Variants in PLCXD3 observed in about 807,000 individuals in gnomAD.
PLCXD3 encodes phosphatidylinositol specific phospholipase C X domain containing 3, also known as PI-PLC X domain-containing protein 3.
In PLCXD3, 19 loss-of-function variants were observed where a neutral mutation model predicts 25.5. The ratio of observed to expected loss-of-function variants is 0.75; its 90% CI spans 0.52 to 1.09. The LOEUF (loss-of-function observed/expected upper bound fraction) is 1.09, where lower values mean the gene tolerates loss of function less well. Among genes scored for constraint, PLCXD3 ranks in the 50% least tolerant of loss-of-function variants. The probability of loss-of-function intolerance (pLI) is 0.00; values close to 1 mark genes in which losing one functional copy is unlikely to be tolerated. For synonymous variants in PLCXD3, 174 were observed against 137.6 expected, an observed-to-expected ratio of 1.26 and a Z score of -1.85; for missense variants, 411 against 388.1, an observed-to-expected ratio of 1.06 and a Z score of -0.50.
chr5:41,338,126 G>A (rs933241108), intron 2 of PLCXD3, among the ~76,000 whole-genome samples: 3 of 151,964 alleles, frequency 2.0e-5, no homozygotes, highest in African/African-American at 7.2e-5. Context: ...AGAGAATATC[G>A]GGTCTGAAAA....
intron 1 of PLCXD3, among the ~76,000 whole-genome samples, chr5:41,413,817 A>G (rs1746624691): frequency 6.6e-6 from 1 of 152,156 alleles, no homozygotes; most frequent in African/African-American, 2.4e-5. Flanking sequence ...GACAAACTAG[A>G]GTTTAAAAAA....
At chr5:41,460,730 C>A (rs976082163) in intron 1 of PLCXD3, among the ~76,000 whole-genome samples, 1 of 151,944 alleles carries the variant, frequency 6.6e-6, no homozygotes, top group Non-Finnish European at 1.5e-5. Flanking sequence ...TACTTGAAAT[C>A]TTTGATACTT....
chr5:41,484,416 TAG>T (rs2150523655), intron 1 of PLCXD3, among the ~76,000 whole-genome samples: 1 of 152,306 alleles, frequency 6.6e-6, no homozygotes, highest in African/African-American at 2.4e-5. Context: ...CTTGCATTTC[TAG>T]GCTTTGAAGT....
chr5:41,417,057 A>G (rs1746710299), intron 1 of PLCXD3, among the ~76,000 whole-genome samples: 1 of 152,104 alleles, frequency 6.6e-6, no homozygotes, highest in South Asian at 2.1e-4. Context: ...TTCTTCTCAA[A>G]TCTGTGGCCA....
intron 1 of PLCXD3, among the ~76,000 whole-genome samples, chr5:41,500,666 A>G (rs1361134396): frequency 6.6e-6 from 1 of 151,880 alleles, no homozygotes; most frequent in Non-Finnish European, 1.5e-5. Flanking sequence ...TGGGTTTGGC[A>G]ATGAGTTTTT....
At chr5:41,347,686 T>G (rs1744339044) in intron 2 of PLCXD3, among the ~76,000 whole-genome samples, 1 of 152,192 alleles carries the variant, frequency 6.6e-6, no homozygotes, top group South Asian at 2.1e-4. Flanking sequence ...GGTCTTCAGT[T>G]TTACTATTTT....
intron 1 of PLCXD3, among the ~76,000 whole-genome samples, chr5:41,483,975 T>G (rs1748465391): frequency 2.0e-5 from 3 of 152,130 alleles, no homozygotes; most frequent in Non-Finnish European, 4.4e-5. Context: ...AATGCATTAA[T>G]GTAGAATTCC....
chr5:41,403,408 T>TTGTTTGTTTGTTTTTA (rs1554047964), intron 1 of PLCXD3, among the ~76,000 whole-genome samples: 3 of 26,228 alleles, frequency 1.1e-4, no homozygotes, highest in Non-Finnish European at 2.8e-4. Flanking sequence ...GTTGTTTTTT[T>TTGTTTGTTTGTTTTTA]TTTTTTTTAT....
intron 1 of PLCXD3, among the ~76,000 whole-genome samples, chr5:41,422,714 C>T (rs1746857957): frequency 6.6e-6 from 1 of 152,148 alleles, no homozygotes. Flanking sequence ...TAAAAAGTTC[C>T]TATGCTCCTT....
intron 1 of PLCXD3, among the ~76,000 whole-genome samples, chr5:41,440,592 A>G (rs1274337030): frequency 6.6e-6 from 1 of 152,080 alleles, no homozygotes; most frequent in Non-Finnish European, 1.5e-5. Flanking sequence ...AATAATATCT[A>G]TCTTATAGAG....
rs550715959 is a variant in PLCXD3 at position 41,385,704 on chromosome 5, G to A, written c.104-3170C>T. On this transcript the variant is annotated intron_variant, in intron 1 of 2. Coordinates refer to ENST00000377801, the MANE Select transcript of PLCXD3 (RefSeq NM_001005473.3). ...CATAGGACAAACATGATGGGATGCC[G>A]CTTCTGAGATTAGGTTACAAAAGGT... Among the ~76,000 whole-genome samples, 14 of 152,142 alleles carry A rather than the reference G, an allele frequency of 9.2e-5. No individual in the cohort carries two copies. The South Asian group carries it at 2.1e-3, about 23-fold the overall frequency.
chr5:41,374,797 C>G (rs1486004962), intron 2 of PLCXD3, among the ~76,000 whole-genome samples: 1 of 152,142 alleles, frequency 6.6e-6, no homozygotes, highest in Non-Finnish European at 1.5e-5. Context: ...GTCAGCTGCT[C>G]TGCTCTGCTG....
At chr5:41,325,395 T>A (rs1371776587) in intron 2 of PLCXD3, among the ~76,000 whole-genome samples, 2 of 152,198 alleles carry the variant, frequency 1.3e-5, no homozygotes, top group African/African-American at 4.8e-5. Context: ...AACTAGCAAA[T>A]GCTACTGAAG....
intron 1 of PLCXD3, among the ~76,000 whole-genome samples, chr5:41,472,666 G>C (rs1748191138): frequency 6.6e-6 from 1 of 152,184 alleles, no homozygotes; most frequent in Non-Finnish European, 1.5e-5. Flanking sequence ...CTATTTCAGA[G>C]ATGACATTGA....
chr5:41,354,758 G>A (rs111688472), intron 2 of PLCXD3, among the ~76,000 whole-genome samples: 130 of 152,228 alleles, frequency 8.5e-4, no homozygotes, highest in African/African-American at 3.0e-3. Flanking sequence ...TTAAACTGTA[G>A]ATAGAGTGAT....
At chr5:41,452,130 G>C (rs914587211) in intron 1 of PLCXD3, among the ~76,000 whole-genome samples, 5 of 151,966 alleles carry the variant, frequency 3.3e-5, no homozygotes, top group Non-Finnish European at 5.9e-5. Flanking sequence ...TCCCAAATTT[G>C]CTCCTTCTTT....
intron 1 of PLCXD3, among the ~76,000 whole-genome samples, chr5:41,496,382 T>C (rs1748836988): frequency 6.6e-6 from 1 of 151,772 alleles, no homozygotes; most frequent in South Asian, 2.1e-4. Context: ...TCTGAGGAAC[T>C]CAAATAAGTC....
intron 1 of PLCXD3, among the ~76,000 whole-genome samples, chr5:41,461,664 G>C (rs1747876951): frequency 6.6e-6 from 1 of 151,976 alleles, no homozygotes; most frequent in South Asian, 2.1e-4. Context: ...AAAATCAAGA[G>C]AGAGAAAGGG....
intron 1 of PLCXD3, among the ~76,000 whole-genome samples, chr5:41,391,693 C>G (rs990837175): frequency 1.3e-5 from 2 of 152,192 alleles, no homozygotes; most frequent in Admixed American, 1.3e-4. Context: ...GGGATTTTGT[C>G]TTGCACCTTA....
Sources: allele counts gnomAD v4.1 joint callset (sites outside exome capture counted in the v4.1 genomes callset), GRCh38; gene constraint gnomAD v4.1.1; transcripts MANE v1.5; gene names NCBI Gene and HGNC (gene_info 2026-07-23, HGNC 2026-07-21).